Variants in ZNF438 observed in about 807,000 individuals in gnomAD.
ZNF438 encodes the protein zinc finger protein 438.
In ZNF438, 25 loss-of-function variants were observed where a neutral mutation model predicts 38.0. That is an observed-to-expected ratio of 0.66 (90% CI 0.48 to 0.92). The LOEUF is 0.92. Among genes scored for constraint, ZNF438 ranks in the 40% least tolerant of loss-of-function variants. The probability of loss-of-function intolerance (pLI) is 0.00; values close to 1 mark genes in which losing one functional copy is unlikely to be tolerated. For synonymous variants in ZNF438, 372 were observed against 364.1 expected (o/e 1.02, Z -0.25); for missense variants, 1,007 against 999.6 (o/e 1.01, Z -0.10).
At chr10:30,904,138 C>G (rs2042340788) in intron 3 of ZNF438, among the ~76,000 whole-genome samples, 1 of 152,068 alleles carries the variant, frequency 6.6e-6, no homozygotes, top group Non-Finnish European at 1.5e-5. Flanking sequence ...CAAATATTTG[C>G]TATCAGCAAA....
rs532841655 is a variant in ZNF438, at chr10:30,926,967, G to C, written c.-115+14608C>G. 9.2e-5 allele frequency among the ~76,000 whole-genome samples: 14 copies of C among 152,322 alleles called. No homozygotes were observed. The East Asian group carries it at 2.1e-3, about 23-fold the overall frequency. ...CAAGAGTCTCCGGTAAGTTGAGAGA[G>C]AAGAGAATAAAAATAAGGAAACAAA... On this transcript the variant is annotated intron_variant, in intron 2 of 5. Coordinates refer to ENST00000413025, the Ensembl canonical transcript of ZNF438.
At chr10:31,004,750 T>C (rs1196913814) in intron 1 of ZNF438, among the ~76,000 whole-genome samples, 1 of 151,968 alleles carries the variant, frequency 6.6e-6, no homozygotes, top group African/African-American at 2.4e-5. Flanking sequence ...TCAAAGCATC[T>C]AGGCTGGATA....
At chr10:31,020,006 CT>C (rs1340241371) in intron 1 of ZNF438, among the ~76,000 whole-genome samples, 1 of 152,142 alleles carries the variant, frequency 6.6e-6, no homozygotes, top group Non-Finnish European at 1.5e-5. Flanking sequence ...ACATGTAACT[CT>C]TTTTTTCCAT....
chr10:30,994,875 A>G (rs2053887584), intron 1 of ZNF438, among the ~76,000 whole-genome samples: 1 of 151,864 alleles, frequency 6.6e-6, no homozygotes, highest in African/African-American at 2.4e-5. Flanking sequence ...TATAAAAAAT[A>G]TTAAAAATTA....
chr10:30,954,989 C>T (rs1358128079), intron 1 of ZNF438, among the ~76,000 whole-genome samples: 1 of 152,178 alleles, frequency 6.6e-6, no homozygotes, highest in Non-Finnish European at 1.5e-5. Flanking sequence ...AAAGAACTAA[C>T]ATCAGTATAT....
exon 5 of ZNF438, chr10:30,849,991 G>C: frequency 1.2e-6 from 2 of 1,614,154 alleles, no homozygotes; most frequent in Non-Finnish European, 1.7e-6. Context: ...GAAAGATCAG[G>C]ATGGGTTTCT....
intron 2 of ZNF438, among the ~76,000 whole-genome samples, chr10:30,925,934 T>C (rs1028024199): frequency 3.3e-5 from 5 of 152,142 alleles, no homozygotes; most frequent in Non-Finnish European, 7.4e-5. Flanking sequence ...AATGGTATTT[T>C]TGAGGGGGAT....
At chr10:30,982,322 C>T (rs549409774) in intron 1 of ZNF438, among the ~76,000 whole-genome samples, 25 of 152,050 alleles carry the variant, frequency 1.6e-4, no homozygotes, top group Admixed American at 3.9e-4. Context: ...GGGATGGTCT[C>T]GATCTCCTGA....
At chr10:30,932,382 A>G (rs1262384723) in intron 2 of ZNF438, among the ~76,000 whole-genome samples, 1 of 152,238 alleles carries the variant, frequency 6.6e-6, no homozygotes. Context: ...CATATGAATA[A>G]GAGCTAATAA....
intron 4 of ZNF438, among the ~76,000 whole-genome samples, chr10:30,860,616 C>T (rs17295437): frequency 0.14 from 21,072 of 152,192 alleles, 1,677 homozygotes; most frequent in Non-Finnish European, 0.19. Flanking sequence ...TAATCCAATC[C>T]GTCTTGCCAG....
chr10:30,861,629 T>A (rs1314754056), intron 4 of ZNF438, among the ~76,000 whole-genome samples: 3 of 152,242 alleles, frequency 2.0e-5, no homozygotes, highest in Non-Finnish European at 2.9e-5. Flanking sequence ...AAAATATATT[T>A]TAATGATTCT....
At chr10:30,932,254 CTCTTTT>C (rs2045775911) in intron 2 of ZNF438, among the ~76,000 whole-genome samples, 1 of 152,074 alleles carries the variant, frequency 6.6e-6, no homozygotes, top group African/African-American at 2.4e-5. Context: ...TCTAGTCTCT[CTCTTTT>C]TATTTTTTCA....
chr10:30,846,250 A>G (rs1048603687), intron 5 of ZNF438, among the ~76,000 whole-genome samples: 1 of 152,226 alleles, frequency 6.6e-6, no homozygotes, highest in African/African-American at 2.4e-5. Flanking sequence ...AGAAGATTTC[A>G]TATTCAGAAA....
At chr10:30,916,337 A>G (rs959879706) in intron 2 of ZNF438, among the ~76,000 whole-genome samples, 2 of 152,088 alleles carry the variant, frequency 1.3e-5, no homozygotes, top group Non-Finnish European at 2.9e-5. Flanking sequence ...TTCTCAAGAA[A>G]TTAAATGCTG....
At chr10:30,963,683 C>T (rs745778475) in intron 1 of ZNF438, among the ~76,000 whole-genome samples, 6 of 151,914 alleles carry the variant, frequency 3.9e-5, no homozygotes, top group Non-Finnish European at 7.4e-5. Context: ...AGTTTAAGAC[C>T]AGCCCGGCCA....
At chr10:30,881,941 G>A (rs1172726797) in intron 3 of ZNF438, among the ~76,000 whole-genome samples, 1 of 152,130 alleles carries the variant, frequency 6.6e-6, no homozygotes, top group African/African-American at 2.4e-5. Context: ...ATACCCAAAT[G>A]TAAAACACAA....
At chr10:31,011,406 G>A (rs2055688323) in intron 1 of ZNF438, among the ~76,000 whole-genome samples, 1 of 152,190 alleles carries the variant, frequency 6.6e-6, no homozygotes, top group Admixed American at 6.5e-5. Context: ...ACTGAAGTCT[G>A]AAGTCAGACT....
At chr10:30,948,675 T>C (rs1340751924) in intron 1 of ZNF438, among the ~76,000 whole-genome samples, 1 of 150,746 alleles carries the variant, frequency 6.6e-6, no homozygotes, top group African/African-American at 2.4e-5. Flanking sequence ...ATGAATGAAA[T>C]GAAGCGAGAA....
chr10:30,878,682 AAAGCT>A (rs1488413309), intron 3 of ZNF438, among the ~76,000 whole-genome samples: 11 of 152,166 alleles, frequency 7.2e-5, no homozygotes, highest in African/African-American at 2.7e-4. Context: ...CATAAACGGT[AAAGCT>A]AAGCTAAGAG....
Sources: gnomAD v4.1 joint callset for allele counts (sites outside exome capture counted in the v4.1 genomes callset) on GRCh38, gnomAD v4.1.1 for gene constraint, MANE v1.5 for transcripts, NCBI Gene and HGNC (gene_info 2026-07-23, HGNC 2026-07-21) for gene names.